The following DCT variants were observed in gnomAD, a reference collection of about 807,000 sequenced individuals.
DCT encodes dopachrome tautomerase.
A neutral mutation model predicts 53.0 loss-of-function variants in DCT; 47 were observed. The ratio of observed to expected loss-of-function variants is 0.89; its 90% confidence interval spans 0.70 to 1.13. The LOEUF (loss-of-function observed/expected upper bound fraction) is 1.13, where lower values mean the gene tolerates loss of function less well. Ranked by LOEUF, DCT falls within the 50% of genes most tolerant of loss-of-function variation. The probability of loss-of-function intolerance (pLI) is 0.00; values close to 1 mark genes in which losing one functional copy is unlikely to be tolerated. For missense variants in DCT, 669 were observed against 637.4 expected, an observed-to-expected ratio of 1.05 and a Z score of -0.53; for synonymous variants, 244 against 237.0, an observed-to-expected ratio of 1.03 and a Z score of -0.27.
chr13:94,538,073 T>C, the DCT span, among the ~76,000 whole-genome samples: 1 of 151,912 alleles, frequency 6.6e-6, no homozygotes, highest in African/African-American at 2.4e-5. Context: ...AACCAGAAGA[T>C]GATATCCAGG....
At chr13:94,514,732 A>G in the DCT span, among the ~76,000 whole-genome samples, 14 of 152,216 alleles carry the variant, frequency 9.2e-5, 1 homozygote, top group African/African-American at 2.9e-4. Context: ...GGAAGACAAA[A>G]GATGGACGTG....
At chr13:94,548,001 A>G in the DCT span, among the ~76,000 whole-genome samples, 1 of 135,646 alleles carries the variant, frequency 7.4e-6, no homozygotes, top group Admixed American at 7.5e-5. Flanking sequence ...ATATATATAT[A>G]TATCTTCTCT....
At chr13:94,482,234 T>A (rs550752962), upstream of DCT, among the ~76,000 whole-genome samples, 1 of 152,364 alleles carries the variant, frequency 6.6e-6, no homozygotes, top group South Asian at 2.1e-4. Flanking sequence ...TTTTCTTTTT[T>A]AATCATTTAC....
In DCT at chr13:94,439,677, G is replaced by T; in HGVS notation, c.*221C>A. 3 of 348,628 alleles carry T rather than the reference G, an allele frequency of 8.6e-6. No homozygotes were observed. Among genetic ancestry groups the T allele is most frequent in the East Asian group, 8.7e-5 (2 of 23,086 alleles). 21.6% of individuals were successfully genotyped at this position (348,628 alleles called of 1,614,324 possible). On this transcript the variant is annotated 3_prime_UTR_variant, in exon 8 of 8. Transcript: ENST00000377028. ...CAAATTGTCAGGTCTATCTTTATTT[G>T]AAGGTAGAGGTAGCCTCAAGCACTT... is the stretch of plus-strand genomic sequence containing the variant.
At chr13:94,505,537 G>A in the DCT span, among the ~76,000 whole-genome samples, 6 of 152,170 alleles carry the variant, frequency 3.9e-5, no homozygotes, top group Non-Finnish European at 2.9e-5. Flanking sequence ...TAAGCCATCT[G>A]GTCATCTGTT....
chr13:94,494,960 T>G, the DCT span, among the ~76,000 whole-genome samples: 1 of 152,260 alleles, frequency 6.6e-6, no homozygotes, highest in South Asian at 2.1e-4. Flanking sequence ...TTTTTGAATA[T>G]TTAGCATTAT....
chr13:94,500,913 G>A, the DCT span, among the ~76,000 whole-genome samples: 55,585 of 152,024 alleles, frequency 0.37, 10,564 homozygotes, highest in East Asian at 0.59. Flanking sequence ...TTAACATTTG[G>A]TGACGATCCT....
chr13:94,508,697 G>C, the DCT span, among the ~76,000 whole-genome samples: 2 of 152,150 alleles, frequency 1.3e-5, no homozygotes, highest in African/African-American at 4.8e-5. Context: ...TGTTGTGTGT[G>C]GCCTGAGAAA....
intron 4 of DCT, 64 bp downstream of exon 4, chr13:94,465,569 C>T (rs1884116299): frequency 6.8e-7 from 1 of 1,471,032 alleles, no homozygotes; most frequent in Non-Finnish European, 9.3e-7. Flanking sequence ...GTGACTTCTC[C>T]TCCATGTCTC....
At chr13:94,488,023 A>C in the DCT span, among the ~76,000 whole-genome samples, 1 of 151,018 alleles carries the variant, frequency 6.6e-6, no homozygotes, top group South Asian at 2.1e-4. Flanking sequence ...TATACACCAA[A>C]CACTTTTTAA....
At chr13:94,501,649 A>AGAGC in the DCT span, among the ~76,000 whole-genome samples, 4 of 151,962 alleles carry the variant, frequency 2.6e-5, no homozygotes, top group South Asian at 2.1e-4. Context: ...AGAGAGAGAG[A>AGAGC]GAGAAAGGAG....
At position 94,465,621 on chromosome 13, in the gene DCT, A is replaced by C. The variant is rs1015165708; in HGVS notation, c.863+12T>G. Reference sequence around the variant, plus strand: ...AATCTCTGGATGCCATTGCAGGTACAGGAGCCATTACCTATCACAGACAGT... The same window carrying C: ...AATCTCTGGATGCCATTGCAGGTACCGGAGCCATTACCTATCACAGACAGT... On this transcript the variant is annotated intron_variant, in intron 4 of 7. Transcript: ENST00000377028. 2.5e-6 allele frequency: 4 copies of C among 1,611,642 alleles called. No homozygotes were observed. The highest frequency in any genetic ancestry group is 3.4e-6 in the Non-Finnish European group (4 of 1,178,588).
rs369018566 is a variant in DCT at position 94,443,738 on chromosome 13, A to G, written c.1180-101T>C. ...TAAAGTGGAATAACTTCTTCTTGACATAGGAACTTCTGTATACCCATGTGT... is the reference window on the plus strand; with the variant it reads ...TAAAGTGGAATAACTTCTTCTTGACGTAGGAACTTCTGTATACCCATGTGT... On this transcript the variant is annotated intron_variant, in intron 6 of 7. Transcript: ENST00000377028. 6.5e-5 allele frequency: 63 copies of G among 965,852 alleles called. No individual in the cohort carries two copies. In the African/African-American group the frequency reaches 9.5e-4, roughly 15 times the overall value. 59.8% of individuals were successfully genotyped at this position (965,852 alleles called of 1,614,324 possible). A position where few individuals can be genotyped will look rare whatever the true frequency, so the allele number is the denominator to read the frequency against.
intron 4 of DCT, among the ~76,000 whole-genome samples, chr13:94,464,508 C>A (rs532912159): frequency 6.6e-6 from 1 of 151,934 alleles, no homozygotes; most frequent in Non-Finnish European, 1.5e-5. Flanking sequence ...GGCGTGGTTG[C>A]GCATGCCTGT....
the DCT span, among the ~76,000 whole-genome samples, chr13:94,491,023 C>A: frequency 6.6e-6 from 1 of 152,110 alleles, no homozygotes; most frequent in African/African-American, 2.4e-5. Context: ...GGGTGAGCAA[C>A]CTTCTTGTGG....
the DCT span, among the ~76,000 whole-genome samples, chr13:94,509,083 C>T: frequency 1.3e-5 from 2 of 152,104 alleles, no homozygotes; most frequent in African/African-American, 4.8e-5. Context: ...TAGCTCTGGG[C>T]TACCTATTAT....
At chr13:94,487,429 C>T in the DCT span, among the ~76,000 whole-genome samples, 1 of 152,194 alleles carries the variant, frequency 6.6e-6, no homozygotes, top group African/African-American at 2.4e-5. Flanking sequence ...AATGTATGTT[C>T]ATGACATACT....
chr13:94,504,280 T>A, the DCT span, among the ~76,000 whole-genome samples: 2 of 152,256 alleles, frequency 1.3e-5, no homozygotes, highest in Non-Finnish European at 2.9e-5. Flanking sequence ...AGATTCTTGT[T>A]ACCTGTTAGC....
At chr13:94,454,776 T>A (rs901172275) in intron 6 of DCT, among the ~76,000 whole-genome samples, 2 of 152,224 alleles carry the variant, frequency 1.3e-5, no homozygotes, top group African/African-American at 4.8e-5. Context: ...TCTCAATATG[T>A]GAAAAATCAT....
Sources: gnomAD v4.1 joint callset for allele counts (sites outside exome capture counted in the v4.1 genomes callset) on GRCh38, gnomAD v4.1.1 for gene constraint, MANE v1.5 for transcripts, NCBI Gene and HGNC (gene_info 2026-07-23, HGNC 2026-07-21) for gene names.